Variants in SGCZ observed in about 807,000 individuals in gnomAD.
SGCZ encodes the protein zeta-sarcoglycan.
In SGCZ, 40 loss-of-function variants were observed where a neutral mutation model predicts 41.3. That is an observed-to-expected ratio of 0.97 (90% CI 0.75 to 1.26). The LOEUF (loss-of-function observed/expected upper bound fraction) is 1.26. SGCZ is among the 50% of genes most tolerant of loss of function. The pLI is 0.00. For synonymous variants in SGCZ, 206 were observed against 137.5 expected, an observed-to-expected ratio of 1.50 and a Z score of -3.49; for missense variants, 552 against 369.8, an observed-to-expected ratio of 1.49 and a Z score of -4.04.
chr8:15,219,145 C>T (rs895698123), intron 1 of SGCZ, among the ~76,000 whole-genome samples: 1 of 152,136 alleles, frequency 6.6e-6, no homozygotes, highest in East Asian at 1.9e-4. Flanking sequence ...AGATACTTGG[C>T]ATATCATGTT....
chr8:14,563,861 G>T (rs1804279473), intron 1 of SGCZ, among the ~76,000 whole-genome samples: 1 of 151,992 alleles, frequency 6.6e-6, no homozygotes, highest in South Asian at 2.1e-4. Context: ...ATTGTATATT[G>T]AAAAATATAA....
rs200849613 is a variant in SGCZ, at chr8:14,425,081, A to AT, written c.235-100878dup. On this transcript the variant is annotated intron_variant, in intron 2 of 7. Transcript: ENST00000382080. ...TTTTATTCCATTTTTAAATTTCGTT[A>AT]TTTTTTTTCTAATTGATTTGTAAAC... Among the ~76,000 whole-genome samples, 16 of 149,810 alleles carry AT rather than the reference A, an allele frequency of 1.1e-4. No homozygotes were observed. In the East Asian group the frequency reaches 1.2e-3, roughly 11 times the overall value.
intron 1 of SGCZ, among the ~76,000 whole-genome samples, chr8:14,730,919 A>G (rs975428657): frequency 6.6e-6 from 1 of 151,836 alleles, no homozygotes; most frequent in African/African-American, 2.4e-5. Flanking sequence ...AAAGAGGAAC[A>G]ATTTTACGCT....
intron 2 of SGCZ, among the ~76,000 whole-genome samples, chr8:14,424,626 T>A (rs1467168755): frequency 7.8e-6 from 1 of 128,290 alleles, no homozygotes; most frequent in Non-Finnish European, 1.6e-5. Flanking sequence ...TTTGTTGTCA[T>A]TTTTACGTCA....
intron 1 of SGCZ, among the ~76,000 whole-genome samples, chr8:15,057,974 G>A (rs951822316): frequency 6.6e-6 from 1 of 152,136 alleles, no homozygotes; most frequent in Non-Finnish European, 1.5e-5. Context: ...ACATTCCGGT[G>A]CAGCAAGCTG....
chr8:14,972,569 G>T (rs1455744242), intron 1 of SGCZ, among the ~76,000 whole-genome samples: 1 of 152,020 alleles, frequency 6.6e-6, no homozygotes. Flanking sequence ...TTTGTTCTCT[G>T]CTCTTTTTCT....
intron 1 of SGCZ, among the ~76,000 whole-genome samples, chr8:14,640,359 T>C (rs550624330): frequency 6.6e-6 from 1 of 151,822 alleles, no homozygotes. Context: ...GAAGATATCG[T>C]TATCCTGTCT....
chr8:14,725,457 T>C (rs1277146448), intron 1 of SGCZ, among the ~76,000 whole-genome samples: 2 of 152,220 alleles, frequency 1.3e-5, no homozygotes, highest in Non-Finnish European at 2.9e-5. Flanking sequence ...GTACAAGTGA[T>C]TCCCTTTCTC....
intron 5 of SGCZ, among the ~76,000 whole-genome samples, chr8:14,117,190 T>G (rs796465748): frequency 1.1e-4 from 17 of 152,218 alleles, no homozygotes; most frequent in African/African-American, 3.9e-4. Context: ...GAGATGAGCA[T>G]TAGACCTGCT....
intron 3 of SGCZ, among the ~76,000 whole-genome samples, chr8:14,258,666 C>A (rs886705610): frequency 1.3e-5 from 2 of 152,056 alleles, no homozygotes; most frequent in African/African-American, 4.8e-5. Context: ...AAATAATATA[C>A]AAATTTTACT....
At chr8:14,803,121 T>C (rs1475032448) in intron 1 of SGCZ, among the ~76,000 whole-genome samples, 2 of 152,188 alleles carry the variant, frequency 1.3e-5, no homozygotes, top group Non-Finnish European at 2.9e-5. Context: ...ATGACATATA[T>C]GTTAAGGGGA....
intron 1 of SGCZ, among the ~76,000 whole-genome samples, chr8:14,717,610 T>C (rs1419089630): frequency 6.6e-6 from 1 of 152,074 alleles, no homozygotes; most frequent in East Asian, 1.9e-4. Flanking sequence ...CATAAAGCCA[T>C]ATGCTCAGAA....
Position 15,078,435 on chromosome 8 carries a change from C to A in SGCZ, c.39+159150G>T, listed in dbSNP as rs183423082. Among the ~76,000 whole-genome samples, 4 of 152,006 alleles carry A rather than the reference C, an allele frequency of 2.6e-5. No individual in the cohort carries two copies. In the East Asian group the frequency reaches 7.8e-4, roughly 30 times the overall value. On this transcript the variant is annotated intron_variant, in intron 1 of 7. Coordinates refer to ENST00000382080, the MANE Select transcript of SGCZ (RefSeq NM_139167.4). ...CTCAGGTCAGGACTCCATTGCCTTTCTTGTGAAAAACTGGTATCTTTTTGA... is the reference window on the plus strand; with the variant it reads ...CTCAGGTCAGGACTCCATTGCCTTTATTGTGAAAAACTGGTATCTTTTTGA...
At chr8:14,359,334 C>T (rs534796743) in intron 2 of SGCZ, among the ~76,000 whole-genome samples, 2 of 151,982 alleles carry the variant, frequency 1.3e-5, no homozygotes, top group Non-Finnish European at 2.9e-5. Context: ...GACAGAAAAT[C>T]AACAAAGAAA....
At chr8:14,550,818 G>A (rs1292151694) in intron 2 of SGCZ, among the ~76,000 whole-genome samples, 1 of 151,934 alleles carries the variant, frequency 6.6e-6, no homozygotes, top group Non-Finnish European at 1.5e-5. Flanking sequence ...GATGCCAAGT[G>A]ACCAAATGGA....
At chr8:14,821,041 G>T (rs2130568222) in intron 1 of SGCZ, among the ~76,000 whole-genome samples, 1 of 151,602 alleles carries the variant, frequency 6.6e-6, no homozygotes, top group Admixed American at 6.6e-5. Flanking sequence ...CAAAACAATT[G>T]GTTTGTAAAA....
At chr8:14,461,843 T>G (rs1800910443) in intron 2 of SGCZ, among the ~76,000 whole-genome samples, 1 of 152,132 alleles carries the variant, frequency 6.6e-6, no homozygotes, top group Non-Finnish European at 1.5e-5. Context: ...TGCAGTACAC[T>G]CTAAGCTCTT....
chr8:15,156,337 T>G (rs1408254856), intron 1 of SGCZ, among the ~76,000 whole-genome samples: 2 of 152,170 alleles, frequency 1.3e-5, no homozygotes, highest in Non-Finnish European at 2.9e-5. Context: ...AATTGTCATT[T>G]AGGGTAGAAA....
intron 1 of SGCZ, among the ~76,000 whole-genome samples, chr8:14,801,623 C>G (rs1801323798): frequency 1.3e-5 from 2 of 151,954 alleles, no homozygotes; most frequent in South Asian, 4.1e-4. Flanking sequence ...TATAGAATGG[C>G]AAAAATAAAT....
Sources: gnomAD v4.1 joint callset for allele counts (sites outside exome capture counted in the v4.1 genomes callset) on GRCh38, gnomAD v4.1.1 for gene constraint, MANE v1.5 for transcripts, NCBI Gene and HGNC (gene_info 2026-07-23, HGNC 2026-07-21) for gene names.